Variants in ABCA5 observed in about 807,000 individuals in gnomAD.
ABCA5 encodes the protein cholesterol transporter ABCA5.
In ABCA5, 163 loss-of-function variants were observed where a neutral mutation model predicts 206.0. The observed-to-expected ratio is 0.79, with a 90% CI of 0.70 to 0.90. ABCA5 has a LOEUF of 0.90. Ranked by LOEUF, ABCA5 falls within the 40% of genes least tolerant of loss-of-function variation. The pLI, the probability that ABCA5 is intolerant of heterozygous loss-of-function variation, is 0.00. For missense variants in ABCA5, 1,859 were observed against 1,912.9 expected, an observed-to-expected ratio of 0.97 and a Z score of 0.53; for synonymous variants, 609 against 613.8, an observed-to-expected ratio of 0.99 and a Z score of 0.11.
In ABCA5 at chr17:69,302,858, C is replaced by T. The variant is rs748188087; in HGVS notation, c.979G>A (p.Val327Met). 1 of 1,581,438 alleles carries T rather than the reference C, an allele frequency of 6.3e-7. No homozygotes were observed. The highest frequency in any genetic ancestry group is 8.5e-7 in the Non-Finnish European group (1 of 1,169,972). The change falls in exon 8 of 39, where the codon GTG (valine) becomes ATG (methionine). Residue 327 changes from valine to methionine, a missense_variant. Transcript: ENST00000392676. The stretch of plus-strand genomic sequence containing the variant: ...GTAACAAAAAATTCAACTATTCCCA[C>T]ATGTTTTGATTTTTTAAAAAGAGGT... ...LTPLFKKSKH[V>M]GIVEFFVTVA...
intron 23 of ABCA5, among the ~76,000 whole-genome samples, chr17:69,267,252 T>G (rs1490104735): frequency 1.3e-5 from 2 of 152,140 alleles, no homozygotes; most frequent in African/African-American, 2.4e-5. Context: ...TTAGACAAAT[T>G]TGTTTTTACT....
rs778302597 is a variant in ABCA5 at position 69,256,188 on chromosome 17, T to C, written c.3827A>G (p.Lys1276Arg). The C allele has an allele frequency of 6.8e-6, 11 of 1,609,376 alleles. No homozygotes were observed. Among genetic ancestry groups the C allele is most frequent in the Middle Eastern group, 1.7e-4 (1 of 6,060 alleles). ...EDVKAERLKVKELMGCQCCEE... is the reference protein window; with the variant it reads ...EDVKAERLKVRELMGCQCCEE... The stretch of plus-strand genomic sequence containing the variant: ...ACAACACTGGCAACCCATCAGCTCT[T>C]TGACCTTTAGTCTTTCAGCTTTGAC... The change falls in exon 29 of 39, where the codon AAA becomes AGA. Residue 1276 changes from lysine to arginine, a missense_variant. Physicochemically the swap from Lys to Arg is conservative, Grantham distance 26. Coordinates refer to ENST00000392676, the MANE Select transcript of ABCA5 (RefSeq NM_172232.4).
rs780131686 is a variant in ABCA5 at position 69,251,739 on chromosome 17, AC to A, written c.4535+7del. On this transcript the variant is annotated splice_region_variant and intron_variant, in intron 35 of 38. Transcript: ENST00000392676. ...TTCCCCTGAATGGCACGCTATTTAG[AC>A]ATCAACCTTAACTGCCCAGACACCA... 1 of 1,609,810 alleles carries A rather than the reference AC, an allele frequency of 6.2e-7. No homozygotes were observed. The highest frequency in any genetic ancestry group is 1.3e-5 in the African/African-American group (1 of 74,704).
intron 22 of ABCA5, among the ~76,000 whole-genome samples, chr17:69,270,358 T>C (rs2075258318): frequency 6.6e-6 from 1 of 152,064 alleles, no homozygotes; most frequent in Non-Finnish European, 1.5e-5. Flanking sequence ...TTATATTTTA[T>C]TCTATGATCA....
chr17:69,286,244 T>C lies in ABCA5; in HGVS notation c.2109A>G (p.Lys703=), dbSNP rs748385073. Residue 703 remains lysine, a synonymous_variant, in exon 16 of 39, where the codon AAA becomes AAG. Coordinates refer to ENST00000392676, the MANE Select transcript of ABCA5 (RefSeq NM_172232.4). ...CVGSSMFLKS[K]WGIGYRLSMY... ...ACCTCAGGCGGTAGCCGATCCCCCA[T>C]TTACTTTTGAGGAACATTGAAGAAC... The C allele has an allele frequency of 7.5e-6, 12 of 1,600,776 alleles. No homozygotes were observed. The highest frequency in any genetic ancestry group is 8.5e-6 in the Non-Finnish European group (10 of 1,176,756).
At chr17:69,320,904 A>C (rs1360147575) in intron 1 of ABCA5, among the ~76,000 whole-genome samples, 7 of 152,326 alleles carry the variant, frequency 4.6e-5, no homozygotes, top group African/African-American at 1.4e-4. Context: ...TGGGGAAAAT[A>C]TTTGGCTTCC....
At position 69,303,781 on chromosome 17, in the gene ABCA5, A is replaced by T. The variant is rs1169787584; in HGVS notation, c.931-875T>A. ...CTCTAAAAAAAAAAAAAAAAAAAAAAAAAAATATATATATATATATATATA... is the reference window on the plus strand; with the variant it reads ...CTCTAAAAAAAAAAAAAAAAAAAAATAAAAATATATATATATATATATATA... On this transcript the variant is annotated intron_variant, in intron 7 of 38. Coordinates refer to ENST00000392676, the MANE Select transcript of ABCA5 (RefSeq NM_172232.4). Among the ~76,000 whole-genome samples the T allele has an allele frequency of 4.0e-3, 29 of 7,162 alleles. 4 individuals carry two copies. The Non-Finnish European group carries it at 0.047, about 12-fold the overall frequency. 4.7% of individuals were successfully genotyped at this position (7,162 alleles called of 152,430 possible). A position where few individuals can be genotyped will look rare whatever the true frequency, so the allele number is the denominator to read the frequency against.
At chr17:69,273,446 A>T (rs201163729) in intron 20 of ABCA5, among the ~76,000 whole-genome samples, 14 of 27,332 alleles carry the variant, frequency 5.1e-4, no homozygotes, top group African/African-American at 9.6e-4. Context: ...AATTTTTTTA[A>T]CTATTTATTT....
At chr17:69,314,188 T>A in intron 2 of ABCA5, 126 bp downstream of exon 2, 1 of 444,684 alleles carries the variant, frequency 2.2e-6, no homozygotes, top group Non-Finnish European at 3.7e-6. Flanking sequence ...AAGCTTTTAC[T>A]TTACAAGCAA....
chr17:69,304,668 C>T lies in ABCA5; in HGVS notation c.930+1G>A, dbSNP rs771149688. ...TTCCTATCACAAGTTAAAATACTTA[C>T]AGATGATAATCCATAAAGGAAAAAA... On this transcript the variant is annotated splice_donor_variant, in intron 7 of 38. Coordinates refer to ENST00000392676, the MANE Select transcript of ABCA5 (RefSeq NM_172232.4). LOFTEE classifies it high-confidence loss of function. The T allele has an allele frequency of 6.4e-7, 1 of 1,564,810 alleles. No individual in the cohort carries two copies. Among genetic ancestry groups the T allele is most frequent in the Non-Finnish European group, 8.6e-7 (1 of 1,157,518 alleles).
chr17:69,290,228 C>T (rs1214423532), intron 12 of ABCA5, among the ~76,000 whole-genome samples, 191 bp from the exon 13 acceptor site: 1 of 152,050 alleles, frequency 6.6e-6, no homozygotes, highest in African/African-American at 2.4e-5. Context: ...TCTCATTTTC[C>T]ATCACTTACA....
At chr17:69,288,681 C>T (rs1598180756) in intron 14 of ABCA5, among the ~76,000 whole-genome samples, 1 of 147,568 alleles carries the variant, frequency 6.8e-6, no homozygotes, top group Non-Finnish European at 1.5e-5. Flanking sequence ...GCCTGGGCAA[C>T]ATAGCAAGGT....
intron 11 of ABCA5, among the ~76,000 whole-genome samples, 160 bp from the exon 12 acceptor site, chr17:69,291,486 C>G (rs1033075689): frequency 6.6e-6 from 1 of 152,096 alleles, no homozygotes; most frequent in Non-Finnish European, 1.5e-5. Flanking sequence ...TTCTTTGTTA[C>G]AGTCAACGAT....
At chr17:69,258,392 C>T (rs908164050) in intron 28 of ABCA5, among the ~76,000 whole-genome samples, 1 of 152,078 alleles carries the variant, frequency 6.6e-6, no homozygotes, top group African/African-American at 2.4e-5. Flanking sequence ...AACTGGAGAC[C>T]ATTATCCTAA....
At chr17:69,297,847 G>A (rs1054481609) in intron 9 of ABCA5, among the ~76,000 whole-genome samples, 8 of 152,184 alleles carry the variant, frequency 5.3e-5, no homozygotes, top group African/African-American at 1.9e-4. Flanking sequence ...ACAGAATTAT[G>A]GAGAGCAACA....
intron 1 of ABCA5, among the ~76,000 whole-genome samples, chr17:69,319,650 A>G (rs898906156): frequency 4.6e-5 from 7 of 152,234 alleles, no homozygotes; most frequent in African/African-American, 1.7e-4. Context: ...CATTTAAGAA[A>G]GAAAGTTTAC....
chr17:69,289,983 G>A lies in ABCA5; in HGVS notation c.1661C>T (p.Ala554Val), dbSNP rs2075507976. The change falls in exon 13 of 39, where the codon GCA becomes GTA. Residue 554 changes from alanine to valine, a missense_variant. Coordinates refer to ENST00000392676, the MANE Select transcript of ABCA5 (RefSeq NM_172232.4). ...TGGACAAATGCCAATCATTTTTCTT[G>A]CTTCAAACATTTCATCTATTTCTGA... ...RVSEIDEMFE[A>V]RKMIGICPQL... 1 of 1,611,772 alleles carries A rather than the reference G, an allele frequency of 6.2e-7. No individual in the cohort carries two copies. Among genetic ancestry groups the A allele is most frequent in the African/African-American group, 1.3e-5 (1 of 74,752 alleles).
chr17:69,261,016 G>T (rs2075140815), intron 26 of ABCA5, 109 bp downstream of exon 26: 1 of 829,110 alleles, frequency 1.2e-6, no homozygotes, highest in Non-Finnish European at 1.8e-6. Flanking sequence ...TCAAGTAGTA[G>T]CCATTAGCCC....
At chr17:69,321,124 A>C (rs1316728757) in intron 1 of ABCA5, among the ~76,000 whole-genome samples, 3 of 152,304 alleles carry the variant, frequency 2.0e-5, no homozygotes, top group East Asian at 3.9e-4. Context: ...GACTAGCCTA[A>C]CAGGGAGTTA....
Sources: gnomAD v4.1 joint callset for allele counts (sites outside exome capture counted in the v4.1 genomes callset) on GRCh38, gnomAD v4.1.1 for gene constraint, MANE v1.5 for transcripts, NCBI Gene and HGNC (gene_info 2026-07-23, HGNC 2026-07-21) for gene names.